ITPRID1: variants seen among roughly 807,000 people sequenced by gnomAD.
The protein encoded by ITPRID1 is protein ITPRID1.
A neutral mutation model predicts 95.4 loss-of-function variants in ITPRID1; 96 were observed. That is an observed-to-expected ratio of 1.01 (90% CI 0.85 to 1.19). The LOEUF (loss-of-function observed/expected upper bound fraction) is 1.19. Among genes scored for constraint, ITPRID1 ranks in the 50% most tolerant of loss-of-function variants. ITPRID1 has a pLI of 0.00. For synonymous variants in ITPRID1, 510 were observed against 453.6 expected (o/e 1.12, Z -1.58); for missense variants, 1,339 against 1,252.9 (o/e 1.07, Z -1.04).
In ITPRID1 at chr7:31,550,759, A is replaced by G. The variant is rs537767609; in HGVS notation, c.-24+1260A>G. Among the ~76,000 whole-genome samples the G allele has an allele frequency of 8.3e-5, 12 of 144,144 alleles. 2 individuals are homozygous for G. Among genetic ancestry groups the G allele is most frequent in the South Asian group, 4.6e-4 (2 of 4,372 alleles). 94.6% of individuals were successfully genotyped at this position (144,144 alleles called of 152,430 possible). On this transcript the variant is annotated intron_variant, in intron 2 of 14. Transcript: ENST00000615280. ...TTTTCCTGCTCTGTGGCCAAGTACA[A>G]CAGAGCTGGCAGACAGAATATCCTC...
chr7:31,598,295 C>G (rs1562597282), intron 10 of ITPRID1, among the ~76,000 whole-genome samples: 1 of 149,408 alleles, frequency 6.7e-6, no homozygotes, highest in Non-Finnish European at 1.5e-5. Context: ...TCATCAAAGA[C>G]AGAATAAAGT....
chr7:31,582,206 A>T (rs1785429018), intron 9 of ITPRID1, among the ~76,000 whole-genome samples: 2 of 152,216 alleles, frequency 1.3e-5, no homozygotes. Flanking sequence ...ATTGTTAAGT[A>T]AACTAATGTA....
chr7:31,638,931 C>A (rs1489436629), intron 10 of ITPRID1, among the ~76,000 whole-genome samples: 1 of 152,048 alleles, frequency 6.6e-6, no homozygotes, highest in African/African-American at 2.4e-5. Context: ...CACCTGCCAC[C>A]ACACCCGCTA....
chr7:31,599,654 T>TC (rs1562598956), intron 10 of ITPRID1, among the ~76,000 whole-genome samples: 105 of 25,120 alleles, frequency 4.2e-3, no homozygotes, highest in African/African-American at 6.8e-3. Context: ...TCTTTTTCTT[T>TC]CTTTCCTTTC....
intron 1 of ITPRID1, among the ~76,000 whole-genome samples, chr7:31,535,967 T>C (rs1253142151): frequency 6.6e-6 from 1 of 152,122 alleles, no homozygotes; most frequent in African/African-American, 2.4e-5. Context: ...CTCAGTGTAG[T>C]GTTCTTGCTT....
chr7:31,652,064 G>A lies in ITPRID1; in HGVS notation c.2823+14G>A. 2 of 1,558,514 alleles carry A rather than the reference G, an allele frequency of 1.3e-6. No individual in the cohort carries two copies. The highest frequency in any genetic ancestry group is 1.4e-5 in the African/African-American group (1 of 73,940). On this transcript the variant is annotated intron_variant, in intron 14 of 14. Transcript: ENST00000615280. ...GGGATTTTACTGGTATGGGTGATGG[G>A]GTGTGGAGTTTGACTATATCCAGCC... is the stretch of plus-strand genomic sequence containing the variant.
At chr7:31,543,960 A>T (rs1372925328) in intron 1 of ITPRID1, among the ~76,000 whole-genome samples, 1 of 152,100 alleles carries the variant, frequency 6.6e-6, no homozygotes, top group South Asian at 2.1e-4. Context: ...AGTTTTTTGC[A>T]TGTGATGTCC....
Position 31,578,417 on chromosome 7 carries a change from T to C in ITPRID1, c.1153T>C (p.Ser385Pro), listed in dbSNP as rs1583524265. Residue 385 changes from serine (S) to proline (P), a missense_variant, in exon 9 of 15, where the codon TCA becomes CCA. Physicochemically the swap from Ser to Pro is moderately conservative, Grantham distance 74 (BLOSUM62 -1). Transcript: ENST00000615280. ...LSHLAGKGPD[S>P]FEMEEVQSFE... ...TCATCTTGCAGGCAAAGGACCAGACTCATTTGAAATGGAAGAGGTCAGTGC... is the reference window on the plus strand; with the variant it reads ...TCATCTTGCAGGCAAAGGACCAGACCCATTTGAAATGGAAGAGGTCAGTGC... 6.2e-7 allele frequency: 1 copy of C among 1,605,746 alleles called. No homozygotes were observed.
At chr7:31,568,843 T>C (rs1440841933) in intron 5 of ITPRID1, among the ~76,000 whole-genome samples, 1 of 152,218 alleles carries the variant, frequency 6.6e-6, no homozygotes, top group Non-Finnish European at 1.5e-5. Flanking sequence ...TATAAGATGC[T>C]CTGTTGGCAG....
chr7:31,575,937 TCTTTA>T (rs1349562882), intron 8 of ITPRID1, among the ~76,000 whole-genome samples: 2 of 152,162 alleles, frequency 1.3e-5, no homozygotes, highest in African/African-American at 4.8e-5. Flanking sequence ...ATGTAGTATT[TCTTTA>T]CTTTTTAGAC....
chr7:31,636,068 A>C (rs1407490328), intron 10 of ITPRID1, among the ~76,000 whole-genome samples: 1 of 152,226 alleles, frequency 6.6e-6, no homozygotes, highest in Non-Finnish European at 1.5e-5. Flanking sequence ...GAGAGCTAGC[A>C]GGGGAAATGC....
intron 10 of ITPRID1, among the ~76,000 whole-genome samples, chr7:31,632,973 G>A (rs567402064): frequency 1.6e-4 from 25 of 151,932 alleles, no homozygotes; most frequent in African/African-American, 5.8e-4. Context: ...TGCAACCTCC[G>A]ACTCCCTGGT....
chr7:31,574,941 A>C (rs1562580334), intron 8 of ITPRID1, among the ~76,000 whole-genome samples, 199 bp downstream of exon 8: 1 of 152,122 alleles, frequency 6.6e-6, no homozygotes, highest in Non-Finnish European at 1.5e-5. Flanking sequence ...AGGAGTATCT[A>C]TTTGCTCCAT....
rs906765121 is a variant in ITPRID1, at chr7:31,578,163, C to T, written c.899C>T (p.Thr300Ile). 1 of 1,613,742 alleles carries T rather than the reference C, an allele frequency of 6.2e-7. No individual in the cohort carries two copies. The change falls in exon 9 of 15, where the codon ACC (threonine) becomes ATC (isoleucine). Residue 300 changes from threonine to isoleucine, a missense_variant. Thr to Ile is a moderately conservative substitution (Grantham distance 89). Coordinates refer to ENST00000615280, the MANE Select transcript of ITPRID1 (RefSeq NM_001257967.3). ...GATTGTGGAGCAGAGCTAGCAGCAA[C>T]CTCAATCAACCACAAGCAAAATCAT... ...PWDCGAELAA[T>I]SINHKQNHLS...
chr7:31,587,487 A>AG (rs1363269104), intron 10 of ITPRID1, among the ~76,000 whole-genome samples: 1 of 147,910 alleles, frequency 6.8e-6, no homozygotes, highest in African/African-American at 2.5e-5. Context: ...AGGAAATAAA[A>AG]GAGGATACAA....
At chr7:31,610,465 A>T (rs1376541105) in intron 10 of ITPRID1, among the ~76,000 whole-genome samples, 2 of 151,816 alleles carry the variant, frequency 1.3e-5, no homozygotes, top group East Asian at 3.9e-4. Context: ...AAATAGATTA[A>T]ACATTTCAAT....
intron 10 of ITPRID1, among the ~76,000 whole-genome samples, chr7:31,635,179 C>T (rs1029985995): frequency 2.0e-5 from 3 of 152,198 alleles, no homozygotes; most frequent in African/African-American, 7.2e-5. Flanking sequence ...GGTGATTTCT[C>T]ATCCTTTGTC....
At chr7:31,627,927 G>A (rs1332115426) in intron 10 of ITPRID1, among the ~76,000 whole-genome samples, 1 of 152,160 alleles carries the variant, frequency 6.6e-6, no homozygotes, top group Non-Finnish European at 1.5e-5. Context: ...TATCCAAAAG[G>A]GTTTAACTGA....
intron 10 of ITPRID1, among the ~76,000 whole-genome samples, chr7:31,596,679 G>A (rs1786100963): frequency 6.6e-6 from 1 of 151,478 alleles, no homozygotes; most frequent in Admixed American, 6.6e-5. Flanking sequence ...AACAGAAATT[G>A]AAGATAGATG....
Sources: allele counts gnomAD v4.1 joint callset (sites outside exome capture counted in the v4.1 genomes callset), GRCh38; gene constraint gnomAD v4.1.1; transcripts MANE v1.5; gene names NCBI Gene and HGNC (gene_info 2026-07-23, HGNC 2026-07-21).